Variants in DST observed in about 807,000 individuals in gnomAD.
DST encodes the protein bullous pemphigoid antigen.
In DST, 253 loss-of-function variants were observed where a neutral mutation model predicts 875.2. The observed-to-expected ratio is 0.29, with a 90% CI of 0.26 to 0.32. The LOEUF is 0.32. Among genes scored for constraint, DST ranks in the 10% least tolerant of loss-of-function variants. DST has a pLI of 1.00. For missense variants in DST, 8,287 were observed against 9,111.6 expected, an observed-to-expected ratio of 0.91 and a Z score of 3.68; for synonymous variants, 3,124 against 3,197.1, an observed-to-expected ratio of 0.98 and a Z score of 0.77.
At chr6:56,695,706 G>A (rs1056661839) in intron 9 of DST, among the ~76,000 whole-genome samples, 1 of 152,120 alleles carries the variant, frequency 6.6e-6, no homozygotes, top group South Asian at 2.1e-4. Flanking sequence ...AGTATCTCTG[G>A]ATCTAGCATG....
chr6:56,773,508 A>G (rs1239360441), intron 4 of DST, among the ~76,000 whole-genome samples: 1 of 152,132 alleles, frequency 6.6e-6, no homozygotes, highest in Non-Finnish European at 1.5e-5. Context: ...TGAGATATTC[A>G]GGCAATGTCA....
chr6:56,903,701 G>C (rs1795123090), intron 2 of DST, among the ~76,000 whole-genome samples: 1 of 152,084 alleles, frequency 6.6e-6, no homozygotes, highest in Non-Finnish European at 1.5e-5. Context: ...CTCATGATCT[G>C]CCCAGCTCAG....
At chr6:56,613,603 T>G (rs1386429428) in intron 37 of DST, among the ~76,000 whole-genome samples, 1 of 69,012 alleles carries the variant, frequency 1.4e-5, no homozygotes, top group Non-Finnish European at 3.7e-5. Flanking sequence ...GAAAAACGCT[T>G]CTTATCTTAG....
chr6:56,537,651 C>G (rs2097035285), intron 61 of DST, among the ~76,000 whole-genome samples: 2 of 152,190 alleles, frequency 1.3e-5, no homozygotes, highest in Non-Finnish European at 2.9e-5. Flanking sequence ...CACAGCAACT[C>G]TGGTTACTCT....
At position 56,611,612 on chromosome 6, in the gene DST, G is replaced by A; in HGVS notation, c.5059-16C>T. On this transcript the variant is annotated splice_polypyrimidine_tract_variant and intron_variant, in intron 37 of 103. Coordinates refer to ENST00000680361, the MANE Select transcript of DST (RefSeq NM_001374736.1). The stretch of plus-strand genomic sequence containing the variant: ...CACTGGAAATCTGTAAGGTAAAGAA[G>A]GCACATTCAAACTCTTCCTCCAAAA... 1 of 1,554,102 alleles carries A rather than the reference G, an allele frequency of 6.4e-7. No homozygotes were observed. The highest frequency in any genetic ancestry group is 1.1e-5 in the South Asian group (1 of 87,918).
At chr6:56,838,022 T>A (rs1197500514) in intron 4 of DST, among the ~76,000 whole-genome samples, 1 of 151,778 alleles carries the variant, frequency 6.6e-6, no homozygotes, top group African/African-American at 2.4e-5. Context: ...TGGACATAGG[T>A]AGAATGTAAT....
At chr6:56,593,610 G>T in intron 48 of DST, 53 bp downstream of exon 48, 4 of 1,357,140 alleles carry the variant, frequency 2.9e-6, no homozygotes, top group South Asian at 2.0e-5. Flanking sequence ...AACTATAATT[G>T]AAAACTATAA....
intron 15 of DST, among the ~76,000 whole-genome samples, chr6:56,644,005 G>A (rs1257277087): frequency 6.6e-6 from 1 of 152,178 alleles, no homozygotes; most frequent in East Asian, 1.9e-4. Flanking sequence ...GGCTTAGACG[G>A]TTAAAGAACT....
At chr6:56,514,929 T>C (rs1034338566) in intron 72 of DST, among the ~76,000 whole-genome samples, 2 of 152,222 alleles carry the variant, frequency 1.3e-5, no homozygotes, top group African/African-American at 2.4e-5. Context: ...AGGAGTTCCA[T>C]GTACCTAAGG....
Position 56,575,415 on chromosome 6 carries a change from T to C in DST, c.13028-1528A>G, listed in dbSNP as rs749889357. ...TTTGGAAACTCACAAGAGCACATGC[T>C]CTGAATGGCAGCTTGAAGTTGGCAG... On this transcript the variant is annotated intron_variant, in intron 50 of 103. Transcript: ENST00000680361. Among the ~76,000 whole-genome samples the C allele has an allele frequency of 2.8e-4, 43 of 152,190 alleles. 1 individual carries two copies. The highest frequency in any genetic ancestry group is 5.3e-4 in the Non-Finnish European group (36 of 68,036).
chr6:56,482,067 G>A lies in DST; in HGVS notation c.21514C>T (p.Leu7172Phe), dbSNP rs1461679972. ...LPDDEDALRT[L>F]IDQHKEFMKK... ...TTACTCACTTTATGCTGATCAATGA[G>A]AGTCCGGAGAGCATCCTCATCATCT... Residue 7172 changes from leucine (L) to phenylalanine (F), a missense_variant, in exon 90 of 104, where the codon CTC (leucine) becomes TTC (phenylalanine). This residue lies in a region of DST where 1,292 missense variants were observed against 1,552.7 expected (regional missense o/e 0.83). Transcript: ENST00000680361. 2 of 1,613,382 alleles carry A rather than the reference G, an allele frequency of 1.2e-6. No individual in the cohort carries two copies. The highest frequency in any genetic ancestry group is 1.1e-5 in the South Asian group (1 of 91,006).
intron 3 of DST, among the ~76,000 whole-genome samples, chr6:56,886,799 T>C (rs1011431656): frequency 7.4e-6 from 1 of 134,698 alleles, no homozygotes; most frequent in Non-Finnish European, 1.7e-5. Flanking sequence ...AAAAAAAAAA[T>C]TCCTGAAACA....
intron 3 of DST, among the ~76,000 whole-genome samples, chr6:56,899,253 A>G (rs575547820): frequency 9.2e-5 from 14 of 152,326 alleles, no homozygotes; most frequent in African/African-American, 2.9e-4. Flanking sequence ...TGAATGAGTA[A>G]ATTTTCCTAC....
Position 56,883,178 on chromosome 6 carries a change from T to G in DST, c.417+17243A>C, listed in dbSNP as rs551062904. 5.3e-5 allele frequency among the ~76,000 whole-genome samples: 8 copies of G among 152,294 alleles called. No homozygotes were observed. The South Asian group carries it at 1.7e-3, about 32-fold the overall frequency. On this transcript the variant is annotated intron_variant, in intron 3 of 103. Coordinates refer to ENST00000680361, the MANE Select transcript of DST (RefSeq NM_001374736.1). ...CCACCACGCCAGGCCCATGTTGCCT[T>G]TAAGGTCAGTTTTGTTTCAATGATG...
In DST at chr6:56,593,686, G is replaced by T; in HGVS notation, c.12703C>A (p.Arg4235=). 4 of 1,606,594 alleles carry T rather than the reference G, an allele frequency of 2.5e-6. No individual in the cohort carries two copies. Among genetic ancestry groups the T allele is most frequent in the African/African-American group, 1.3e-5 (1 of 74,686 alleles). ...ACCTTAGAGTAGAGAGACCTGAACC[G>T]ATCAGTAGCATGATCCAACTTGCGC... ...VQRKLDHATD[R]FRSLYSKCNV... The change falls in exon 48 of 104, where the codon CGG becomes AGG. Residue 4235 remains arginine (R), a synonymous_variant. Transcript: ENST00000680361.
chr6:56,782,821 A>G (rs1406887828), intron 4 of DST, among the ~76,000 whole-genome samples: 12 of 151,992 alleles, frequency 7.9e-5, no homozygotes, highest in East Asian at 1.9e-4. Flanking sequence ...ATGTTAGGGT[A>G]TCAATTTTGG....
chr6:56,532,549 A>T, intron 63 of DST, 39 bp from the exon 64 acceptor site: 1 of 1,510,908 alleles, frequency 6.6e-7, no homozygotes, highest in African/African-American at 1.4e-5. Context: ...GCAAGGGAAT[A>T]ATTGTATGAA....
intron 9 of DST, among the ~76,000 whole-genome samples, chr6:56,695,867 AT>A (rs2152866687): frequency 6.6e-6 from 1 of 152,368 alleles, no homozygotes; most frequent in African/African-American, 2.4e-5. Flanking sequence ...TATGTAAAGT[AT>A]AGAGAAAAAG....
chr6:56,561,294 C>T lies in DST; in HGVS notation c.14310+14G>A. The T allele has an allele frequency of 6.2e-7, 1 of 1,600,526 alleles. No homozygotes were observed. Among genetic ancestry groups the T allele is most frequent in the East Asian group, 2.2e-5 (1 of 44,590 alleles). On this transcript the variant is annotated intron_variant, in intron 57 of 103. Coordinates refer to ENST00000680361, the MANE Select transcript of DST (RefSeq NM_001374736.1). Reference sequence around the variant, plus strand: ...CTCTTTCATGTCTTCCATAGGTGCACCCACAGAATATACCTTATTCTGCTC... The same window carrying T: ...CTCTTTCATGTCTTCCATAGGTGCATCCACAGAATATACCTTATTCTGCTC...
Sources: allele counts gnomAD v4.1 joint callset (sites outside exome capture counted in the v4.1 genomes callset), GRCh38; gene constraint gnomAD v4.1.1; regional missense constraint gnomAD v4.1.1; transcripts MANE v1.5; gene names NCBI Gene and HGNC (gene_info 2026-07-23, HGNC 2026-07-21).